Variants in CACNA2D3 observed in about 807,000 individuals in gnomAD.
CACNA2D3 encodes calcium voltage-gated channel auxiliary subunit alpha2delta 3.
Under a neutral mutation model 160.6 loss-of-function variants are expected in CACNA2D3, and 60 were observed. The observed-to-expected ratio is 0.37, with a 90% CI of 0.30 to 0.46. The LOEUF is 0.46. Ranked by LOEUF, CACNA2D3 falls within the 20% of genes least tolerant of loss-of-function variation. The probability of loss-of-function intolerance (pLI) is 1.00; values close to 1 mark genes in which losing one functional copy is unlikely to be tolerated. For missense variants in CACNA2D3, 1,205 were observed against 1,365.0 expected (o/e 0.88, Z 1.85); for synonymous variants, 558 against 492.9 (o/e 1.13, Z -1.75).
At chr3:54,476,843 G>A (rs556443095) in intron 4 of CACNA2D3, among the ~76,000 whole-genome samples, 3 of 152,110 alleles carry the variant, frequency 2.0e-5, no homozygotes, top group Non-Finnish European at 4.4e-5. Flanking sequence ...AAATAATTTT[G>A]TATGGATTTG....
intron 4 of CACNA2D3, among the ~76,000 whole-genome samples, chr3:54,483,915 T>C (rs6445673): frequency 0.31 from 46,671 of 152,142 alleles, 7,539 homozygotes; most frequent in East Asian, 0.42. Flanking sequence ...CTATAAGATA[T>C]TGTTAAATTG....
At chr3:54,702,809 C>T (rs1431216206) in intron 11 of CACNA2D3, among the ~76,000 whole-genome samples, 1 of 152,070 alleles carries the variant, frequency 6.6e-6, no homozygotes, top group Non-Finnish European at 1.5e-5. Context: ...TTCACAAGAG[C>T]AAAGACATGG....
chr3:54,333,456 T>C (rs140205327), intron 3 of CACNA2D3, among the ~76,000 whole-genome samples: 1 of 152,060 alleles, frequency 6.6e-6, no homozygotes, highest in South Asian at 2.1e-4. Flanking sequence ...GGTATTGATG[T>C]ATATGCACCT....
chr3:54,265,981 A>G (rs556799378), intron 2 of CACNA2D3, among the ~76,000 whole-genome samples: 20 of 152,336 alleles, frequency 1.3e-4, no homozygotes, highest in African/African-American at 4.1e-4. Context: ...TTAGGTATCA[A>G]ATAGCTTTCA....
intron 27 of CACNA2D3, among the ~76,000 whole-genome samples, chr3:54,908,571 G>C (rs572585509): frequency 1.1e-4 from 17 of 152,224 alleles, no homozygotes; most frequent in African/African-American, 4.1e-4. Context: ...ACAGAAATTA[G>C]CTGGGCAGGC....
At chr3:54,405,610 A>G (rs1699560986) in intron 4 of CACNA2D3, among the ~76,000 whole-genome samples, 1 of 152,118 alleles carries the variant, frequency 6.6e-6, no homozygotes. Flanking sequence ...AAACCATAAA[A>G]CTGCTAGAAG....
rs757420184 is a variant in CACNA2D3, at chr3:54,626,232, G to A, written c.964-1555G>A. 32 of 1,005,668 alleles carry A rather than the reference G, an allele frequency of 3.2e-5. No homozygotes were observed. The South Asian group carries it at 4.0e-4, about 13-fold the overall frequency. The allele number at this position is 1,005,668 out of a possible 1,614,324, so 62.3% of individuals were successfully genotyped here. A position where few individuals can be genotyped will look rare whatever the true frequency, so the allele number is the denominator to read the frequency against. On this transcript the variant is annotated intron_variant, in intron 9 of 37. Coordinates refer to ENST00000474759, the MANE Select transcript of CACNA2D3 (RefSeq NM_018398.3). ...CCGGCAAGATGGCAGAAGTAGAGCAGAAGAAGCAGACCTTCCGCAGGTTCA... is the reference window on the plus strand; with the variant it reads ...CCGGCAAGATGGCAGAAGTAGAGCAAAAGAAGCAGACCTTCCGCAGGTTCA...
At chr3:54,897,281 T>C (rs748288401) in intron 26 of CACNA2D3, among the ~76,000 whole-genome samples, 2 of 152,306 alleles carry the variant, frequency 1.3e-5, no homozygotes, top group East Asian at 1.9e-4. Flanking sequence ...TAAACTGATA[T>C]GCCGGACTAA....
At chr3:55,024,664 A>G (rs1575440639) in intron 35 of CACNA2D3, among the ~76,000 whole-genome samples, 1 of 152,324 alleles carries the variant, frequency 6.6e-6, no homozygotes, top group African/African-American at 2.4e-5. Context: ...ACTGTGAGCA[A>G]TAAATTTCCG....
chr3:55,074,053 G>A, intron 37 of CACNA2D3, 61 bp from the exon 38 acceptor site: 1 of 1,396,836 alleles, frequency 7.2e-7, no homozygotes, highest in Non-Finnish European at 1.0e-6. Context: ...AGAGGTCTGG[G>A]GAAAGTTGAA....
intron 3 of CACNA2D3, among the ~76,000 whole-genome samples, chr3:54,372,994 G>A (rs1698952102): frequency 6.6e-6 from 1 of 152,108 alleles, no homozygotes; most frequent in Non-Finnish European, 1.5e-5. Flanking sequence ...CAGCCCCCTG[G>A]GACTCAGAAG....
At chr3:54,215,807 G>C (rs1462399839) in intron 2 of CACNA2D3, among the ~76,000 whole-genome samples, 1 of 152,142 alleles carries the variant, frequency 6.6e-6, no homozygotes, top group Non-Finnish European at 1.5e-5. Context: ...ATAATGCAGG[G>C]AGGCATTCAT....
intron 2 of CACNA2D3, among the ~76,000 whole-genome samples, chr3:54,232,854 GC>G (rs1300653899): frequency 6.6e-6 from 1 of 152,114 alleles, no homozygotes; most frequent in African/African-American, 2.4e-5. Context: ...AAAGTGTCAC[GC>G]CCATCAATTG....
intron 27 of CACNA2D3, among the ~76,000 whole-genome samples, chr3:54,913,403 A>C (rs989676349): frequency 6.6e-6 from 1 of 152,106 alleles, no homozygotes; most frequent in Admixed American, 6.6e-5. Context: ...CTGTGTATTA[A>C]TGAGTATTTC....
chr3:54,621,494 C>T (rs1388865033), intron 9 of CACNA2D3, among the ~76,000 whole-genome samples: 3 of 152,190 alleles, frequency 2.0e-5, no homozygotes, highest in Non-Finnish European at 4.4e-5. Flanking sequence ...GCATATGCTG[C>T]GTGAGTCGCT....
chr3:54,717,842 TGTGTGTGTGGTGTATGTGCGTGC>T (rs1201823410), intron 11 of CACNA2D3, among the ~76,000 whole-genome samples: 2 of 142,706 alleles, frequency 1.4e-5, no homozygotes, highest in African/African-American at 2.6e-5. Context: ...TGTGCGTGAG[TGTGTGTGTGGTGTATGTGCGTGC>T]GTGTGTGTGG....
chr3:54,592,699 A>G (rs2106758283), intron 9 of CACNA2D3, among the ~76,000 whole-genome samples: 1 of 152,332 alleles, frequency 6.6e-6, no homozygotes, highest in South Asian at 2.1e-4. Flanking sequence ...ACTGAATTTC[A>G]TGGCTCTGTT....
chr3:54,699,577 G>C (rs924329071), intron 11 of CACNA2D3, among the ~76,000 whole-genome samples: 1 of 152,072 alleles, frequency 6.6e-6, no homozygotes, highest in Non-Finnish European at 1.5e-5. Context: ...TTCTCCGTGA[G>C]ACTAGCAGCA....
At chr3:54,665,068 T>C (rs1019327231) in intron 11 of CACNA2D3, among the ~76,000 whole-genome samples, 2 of 152,180 alleles carry the variant, frequency 1.3e-5, no homozygotes, top group Non-Finnish European at 1.5e-5. Flanking sequence ...TCTAATAATA[T>C]ATCGGGCTGA....
Sources: allele counts gnomAD v4.1 joint callset (sites outside exome capture counted in the v4.1 genomes callset), GRCh38; gene constraint gnomAD v4.1.1; transcripts MANE v1.5; gene names NCBI Gene and HGNC (gene_info 2026-07-23, HGNC 2026-07-21).